MTBP: variants seen among roughly 807,000 people sequenced by gnomAD.
MTBP encodes the protein mdm2-binding protein.
Under a neutral mutation model 117.0 loss-of-function variants are expected in MTBP, and 101 were observed. The ratio of observed to expected loss-of-function variants is 0.86; its 90% CI spans 0.73 to 1.02. The LOEUF (loss-of-function observed/expected upper bound fraction) is 1.02, where lower values mean the gene tolerates loss of function less well. MTBP is among the 50% of genes least tolerant of loss of function. The pLI, the probability that MTBP is intolerant of heterozygous loss-of-function variation, is 0.00. For missense variants in MTBP, 970 were observed against 1,030.9 expected, an observed-to-expected ratio of 0.94 and a Z score of 0.81; for synonymous variants, 350 against 351.5, an observed-to-expected ratio of 1.00 and a Z score of 0.05.
rs569678671 is a variant in MTBP, at chr8:120,506,951, A to G, written c.1883+90A>G. 40 of 1,126,934 alleles carry G rather than the reference A, an allele frequency of 3.5e-5. No homozygotes were observed. In the East Asian group the frequency reaches 6.3e-4, roughly 18 times the overall value. The allele number at this position is 1,126,934 out of a possible 1,614,324, so 69.8% of individuals were successfully genotyped here. ...TCATTTCCTTATTAATTGATGTCCT[A>G]TGCTACTCAGGGAAAATTTATAAGT... On this transcript the variant is annotated intron_variant, in intron 16 of 21. Transcript: ENST00000305949.
intron 7 of MTBP, among the ~76,000 whole-genome samples, chr8:120,457,914 C>T (rs1168755765): frequency 2.0e-5 from 3 of 150,296 alleles, no homozygotes; most frequent in South Asian, 2.1e-4. Flanking sequence ...CCACTGCACT[C>T]CAGCCTGCGT....
intron 11 of MTBP, 83 bp downstream of exon 11, chr8:120,471,020 A>G (rs139022872): frequency 9.6e-6 from 9 of 940,918 alleles, no homozygotes; most frequent in Non-Finnish European, 1.4e-5. Flanking sequence ...TAACATTTCT[A>G]TATGAGAAAA....
rs1272481793 is a variant in MTBP, at chr8:120,470,910, A to G, written c.1138A>G (p.Ile380Val). The G allele has an allele frequency of 3.7e-6, 6 of 1,607,026 alleles. No individual in the cohort carries two copies. The highest frequency in any genetic ancestry group is 4.5e-5 in the East Asian group (2 of 44,742). ...QLSSRKWKEY[I>V]AKKPKTISVP... ...CAGTTCAAGAAAATGGAAGGAATAT[A>G]TAGCTAAAAAGCCTAAAACAATCAG... The change falls in exon 11 of 22, where the codon ATA (isoleucine) becomes GTA (valine). Residue 380 changes from isoleucine to valine, a missense_variant. Transcript: ENST00000305949.
intron 11 of MTBP, chr8:120,473,400 C>A (rs1471964243): frequency 6.6e-6 from 1 of 152,026 alleles, no homozygotes; most frequent in South Asian, 2.1e-4. Flanking sequence ...ATTAAAATAC[C>A]ATTTATACAG....
At chr8:120,479,753 G>GA (rs1241832838) in intron 11 of MTBP, among the ~76,000 whole-genome samples, 3 of 151,714 alleles carry the variant, frequency 2.0e-5, no homozygotes, top group Non-Finnish European at 2.9e-5. Flanking sequence ...ATAGGTCAAA[G>GA]AAAAAATCAA....
At chr8:120,517,816 A>G in intron 18 of MTBP, 35 bp from the exon 19 acceptor site, 1 of 1,583,684 alleles carries the variant, frequency 6.3e-7, no homozygotes, top group Non-Finnish European at 8.6e-7. Flanking sequence ...GATTCGCTTA[A>G]TCTACGTTCT....
Position 120,465,325 on chromosome 8 carries a change from G to A in MTBP, c.1047+1564G>A, listed in dbSNP as rs567295344. The stretch of plus-strand genomic sequence containing the variant: ...GAAGAGCATGTTTTTTAGAAAACTT[G>A]ACTTTAAGCCATAGCTATGCCACTC... On this transcript the variant is annotated intron_variant, in intron 10 of 21. Transcript: ENST00000305949. 3.3e-5 allele frequency among the ~76,000 whole-genome samples: 5 copies of A among 152,228 alleles called. 1 individual carries two copies. Among genetic ancestry groups the A allele is most frequent in the Admixed American group, 3.3e-4 (5 of 15,286 alleles).
chr8:120,473,967 C>T (rs1813879075), intron 11 of MTBP: 1 of 152,008 alleles, frequency 6.6e-6, no homozygotes, highest in East Asian at 1.9e-4. Context: ...ATTTATTTTT[C>T]CTCTCATAAC....
At chr8:120,515,289 A>G (rs1814897103) in intron 17 of MTBP, among the ~76,000 whole-genome samples, 1 of 152,112 alleles carries the variant, frequency 6.6e-6, no homozygotes, top group African/African-American at 2.4e-5. Flanking sequence ...TGTTTGTTGT[A>G]CTTAACAACC....
At chr8:120,519,885 A>G (rs1434835130) in intron 20 of MTBP, among the ~76,000 whole-genome samples, 1 of 152,122 alleles carries the variant, frequency 6.6e-6, no homozygotes, top group East Asian at 1.9e-4. Flanking sequence ...CTTCTCCCCA[A>G]ATGTTCACTA....
At chr8:120,458,827 G>A (rs1455081470) in intron 7 of MTBP, among the ~76,000 whole-genome samples, 6 of 143,384 alleles carry the variant, frequency 4.2e-5, no homozygotes, top group Non-Finnish European at 7.6e-5. Context: ...GGCCACAAGA[G>A]TGAAACTCCA....
At chr8:120,464,797 A>C (rs1813653822) in intron 10 of MTBP, among the ~76,000 whole-genome samples, 2 of 152,192 alleles carry the variant, frequency 1.3e-5, no homozygotes, top group South Asian at 4.1e-4. Flanking sequence ...TAAATTTTGA[A>C]ATTTTAAAAT....
intron 2 of MTBP, among the ~76,000 whole-genome samples, chr8:120,449,127 G>A (rs141710926): frequency 8.5e-5 from 13 of 152,240 alleles, no homozygotes; most frequent in Non-Finnish European, 1.6e-4. Context: ...ATGAGGAATG[G>A]GAGAGGCAGC....
chr8:120,512,935 G>A (rs367852702), intron 17 of MTBP, among the ~76,000 whole-genome samples: 23 of 152,022 alleles, frequency 1.5e-4, no homozygotes, highest in African/African-American at 5.1e-4. Context: ...GTTCTCTTAC[G>A]TTATTGTGGG....
In MTBP at chr8:120,522,732, T is replaced by C; in HGVS notation, c.2676+13T>C. 6.3e-7 allele frequency: 1 copy of C among 1,576,982 alleles called. No homozygotes were observed. Among genetic ancestry groups the C allele is most frequent in the Non-Finnish European group, 8.6e-7 (1 of 1,156,946 alleles). On this transcript the variant is annotated intron_variant, in intron 21 of 21. Coordinates refer to ENST00000305949, the MANE Select transcript of MTBP (RefSeq NM_022045.5). ...CAATGCTGTACAGGTAAAGAAATTA[T>C]TCCCAAGAAACTATATTCAATTAAA...
chr8:120,491,259 A>G (rs1188135970), intron 13 of MTBP, among the ~76,000 whole-genome samples: 1 of 152,126 alleles, frequency 6.6e-6, no homozygotes, highest in Non-Finnish European at 1.5e-5. Flanking sequence ...TATTCGAATT[A>G]TATATTACAT....
At chr8:120,454,339 A>G (rs983681758) in intron 5 of MTBP, among the ~76,000 whole-genome samples, 2 of 152,140 alleles carry the variant, frequency 1.3e-5, no homozygotes, top group African/African-American at 4.8e-5. Flanking sequence ...ATGTCATACC[A>G]TAAAAGAAAG....
At chr8:120,501,874 A>G (rs1586965916) in intron 14 of MTBP, among the ~76,000 whole-genome samples, 1 of 152,200 alleles carries the variant, frequency 6.6e-6, no homozygotes, top group Non-Finnish European at 1.5e-5. Flanking sequence ...CAATCTCAAT[A>G]TAGTTCACTG....
chr8:120,450,025 G>T (rs1212086909), intron 2 of MTBP, among the ~76,000 whole-genome samples: 2 of 152,076 alleles, frequency 1.3e-5, no homozygotes, highest in African/African-American at 4.8e-5. Context: ...GAATTTAAAG[G>T]GACCCCTTTT....
Sources: gnomAD v4.1 joint callset for allele counts (sites outside exome capture counted in the v4.1 genomes callset) on GRCh38, gnomAD v4.1.1 for gene constraint, MANE v1.5 for transcripts, NCBI Gene and HGNC (gene_info 2026-07-23, HGNC 2026-07-21) for gene names.